The following RSRC1 variants were observed in gnomAD, a reference collection of about 807,000 sequenced individuals.
RSRC1 encodes the protein arginine and serine rich coiled-coil 1.
RSRC1 carries 39 observed loss-of-function variants against 49.1 expected under a neutral mutation model. The observed-to-expected ratio is 0.79, with a 90% CI of 0.61 to 1.04. RSRC1 has a LOEUF of 1.04. Ranked by LOEUF, RSRC1 falls within the 50% of genes least tolerant of loss-of-function variation. The probability of loss-of-function intolerance (pLI) is 0.00; values close to 1 mark genes in which losing one functional copy is unlikely to be tolerated. For missense variants in RSRC1, 388 were observed against 402.4 expected (o/e 0.96, Z 0.31); for synonymous variants, 143 against 130.8 (o/e 1.09, Z -0.63).
At chr3:158,292,974 T>C (rs1727021766) in intron 4 of RSRC1, among the ~76,000 whole-genome samples, 1 of 152,080 alleles carries the variant, frequency 6.6e-6, no homozygotes, top group Admixed American at 6.5e-5. Context: ...CTAAAACGAG[T>C]ATTATATGTC....
At chr3:158,243,895 T>C (rs915623582) in intron 4 of RSRC1, among the ~76,000 whole-genome samples, 10 of 152,122 alleles carry the variant, frequency 6.6e-5, no homozygotes, top group African/African-American at 1.9e-4. Flanking sequence ...TGATTTTGTA[T>C]CCTGAGACTT....
At chr3:158,423,597 T>C (rs1735212253) in intron 6 of RSRC1, among the ~76,000 whole-genome samples, 5 of 152,170 alleles carry the variant, frequency 3.3e-5, no homozygotes, top group Admixed American at 3.3e-4. Flanking sequence ...AAAGTAGTTT[T>C]TTCCAATTCT....
chr3:158,458,412 G>A (rs897585131), intron 6 of RSRC1, among the ~76,000 whole-genome samples: 12 of 152,034 alleles, frequency 7.9e-5, no homozygotes, highest in Middle Eastern at 3.4e-3. Flanking sequence ...AGCAAAAACT[G>A]CAATTACTAA....
chr3:158,213,470 A>C (rs1471809975), intron 4 of RSRC1, among the ~76,000 whole-genome samples: 6 of 150,506 alleles, frequency 4.0e-5, no homozygotes, highest in African/African-American at 1.5e-4. Flanking sequence ...CAGGAAGATA[A>C]GGATAAATCT....
At chr3:158,363,806 G>A (rs1209086737) in intron 6 of RSRC1, among the ~76,000 whole-genome samples, 1 of 152,130 alleles carries the variant, frequency 6.6e-6, no homozygotes, top group Non-Finnish European at 1.5e-5. Context: ...TATGTAGAGT[G>A]TTTATAGTAG....
intron 4 of RSRC1, among the ~76,000 whole-genome samples, chr3:158,285,236 C>A (rs976332386): frequency 7.2e-5 from 11 of 152,124 alleles, no homozygotes; most frequent in African/African-American, 2.4e-4. Context: ...GGGCTCTGTT[C>A]TGTTCCATTG....
intron 7 of RSRC1, among the ~76,000 whole-genome samples, chr3:158,470,952 C>T (rs1738109900): frequency 1.3e-5 from 2 of 152,146 alleles, no homozygotes; most frequent in South Asian, 4.1e-4. Flanking sequence ...TCAAGAAACT[C>T]ACGCAACAAG....
At chr3:158,236,385 T>C (rs1242722511) in intron 4 of RSRC1, among the ~76,000 whole-genome samples, 1 of 152,232 alleles carries the variant, frequency 6.6e-6, no homozygotes, top group East Asian at 1.9e-4. Context: ...ATCTTACATA[T>C]AGAATTCAGT....
chr3:158,214,867 C>T (rs1721869569), intron 4 of RSRC1, among the ~76,000 whole-genome samples: 1 of 151,626 alleles, frequency 6.6e-6, no homozygotes, highest in Admixed American at 6.6e-5. Context: ...GGTGAATGTT[C>T]CATGTGTATT....
chr3:158,295,033 A>G (rs965205826), intron 4 of RSRC1, among the ~76,000 whole-genome samples: 1 of 152,180 alleles, frequency 6.6e-6, no homozygotes, highest in African/African-American at 2.4e-5. Context: ...TTTTCACTTC[A>G]CTGGTGTAAG....
At position 158,123,995 on chromosome 3, in the gene RSRC1, T is replaced by C; in HGVS notation, c.320+4T>C. The C allele has an allele frequency of 6.4e-7, 1 of 1,574,350 alleles. No individual in the cohort carries two copies. Among genetic ancestry groups the C allele is most frequent in the Non-Finnish European group, 8.6e-7 (1 of 1,161,132 alleles). ...GGTCAAAAAGCAGAACAAGAAGGTATGCCTTATTAAGTATTTATTGCTTTG... is the reference window on the plus strand; with the variant it reads ...GGTCAAAAAGCAGAACAAGAAGGTACGCCTTATTAAGTATTTATTGCTTTG... On this transcript the variant is annotated splice_donor_region_variant and intron_variant, in intron 3 of 9. Transcript: ENST00000611884.
intron 4 of RSRC1, among the ~76,000 whole-genome samples, chr3:158,260,568 T>C (rs1272062539): frequency 2.0e-5 from 3 of 152,194 alleles, no homozygotes; most frequent in African/African-American, 7.2e-5. Context: ...CATCCTGGCT[T>C]GTGTCTCACC....
At chr3:158,406,234 T>G (rs1734157870) in intron 6 of RSRC1, among the ~76,000 whole-genome samples, 1 of 152,144 alleles carries the variant, frequency 6.6e-6, no homozygotes, top group Non-Finnish European at 1.5e-5. Flanking sequence ...CTCACAATTT[T>G]TTAACTACTT....
At chr3:158,322,557 T>A (rs1056889191) in intron 5 of RSRC1, among the ~76,000 whole-genome samples, 1 of 152,266 alleles carries the variant, frequency 6.6e-6, no homozygotes, top group Non-Finnish European at 1.5e-5. Context: ...GGAATTTGAC[T>A]ACAATGCATG....
chr3:158,464,486 T>C (rs1490637928), intron 7 of RSRC1, among the ~76,000 whole-genome samples: 1 of 152,194 alleles, frequency 6.6e-6, no homozygotes, highest in Non-Finnish European at 1.5e-5. Flanking sequence ...GGCAGCCCTT[T>C]CTAAATTATT....
chr3:158,376,908 G>A (rs1255424705), intron 6 of RSRC1, among the ~76,000 whole-genome samples: 2 of 152,112 alleles, frequency 1.3e-5, no homozygotes, highest in Non-Finnish European at 2.9e-5. Flanking sequence ...GTTGGCAAAT[G>A]TACCAAGTGC....
At chr3:158,532,839 A>G (rs1358963482) in intron 7 of RSRC1, among the ~76,000 whole-genome samples, 1 of 151,782 alleles carries the variant, frequency 6.6e-6, no homozygotes, top group Non-Finnish European at 1.5e-5. Flanking sequence ...TAATTCTCCC[A>G]GTAACTTTGT....
chr3:158,446,734 C>T (rs1054348581), intron 6 of RSRC1, among the ~76,000 whole-genome samples: 1 of 152,008 alleles, frequency 6.6e-6, no homozygotes, highest in South Asian at 2.1e-4. Context: ...ATCTCTTCTA[C>T]CTTAAGCTGC....
rs1266563808 is a variant in RSRC1, at chr3:158,115,186, G to A, written c.-3+4963G>A. On this transcript the variant is annotated intron_variant, in intron 1 of 9. Coordinates refer to ENST00000611884, the MANE Select transcript of RSRC1 (RefSeq NM_001271838.2). ...AGGTATGTTCCAAGGAAGGACTTTT[G>A]TTATCTTTCATTAACCTGTGTTAAA... Among the ~76,000 whole-genome samples, 6 of 152,058 alleles carry A rather than the reference G, an allele frequency of 3.9e-5. No homozygotes were observed. The South Asian group carries it at 1.2e-3, about 32-fold the overall frequency.
Sources: allele counts gnomAD v4.1 joint callset (sites outside exome capture counted in the v4.1 genomes callset), GRCh38; gene constraint gnomAD v4.1.1; transcripts MANE v1.5; gene names NCBI Gene and HGNC (gene_info 2026-07-23, HGNC 2026-07-21).